MNAT1: variants seen among roughly 807,000 people sequenced by gnomAD.
MNAT1 encodes CDK-activating kinase assembly factor MAT1.
MNAT1 carries 43 observed loss-of-function variants against 42.0 expected under a neutral mutation model. The ratio of observed to expected loss-of-function variants is 1.02; its 90% CI spans 0.80 to 1.32. MNAT1 has a LOEUF of 1.32. Among genes scored for constraint, MNAT1 ranks in the 40% most tolerant of loss-of-function variants. The pLI is 0.00. For synonymous variants in MNAT1, 118 were observed against 120.0 expected, an observed-to-expected ratio of 0.98 and a Z score of 0.11; for missense variants, 306 against 350.4, an observed-to-expected ratio of 0.87 and a Z score of 1.01.
intron 6 of MNAT1, among the ~76,000 whole-genome samples, chr14:60,869,462 T>C (rs2034281821): frequency 6.6e-6 from 1 of 152,114 alleles, no homozygotes; most frequent in South Asian, 2.1e-4. Flanking sequence ...TACACTCTAA[T>C]GGGAGACAGA....
intron 1 of MNAT1, among the ~76,000 whole-genome samples, chr14:60,794,645 A>AT: frequency 7.8e-5 from 6 of 76,730 alleles, no homozygotes; most frequent in African/African-American, 2.5e-4. Flanking sequence ...TCAAAAAAAA[A>AT]AAAAAAAAAA....
chr14:60,783,654 G>A (rs1023254718), intron 1 of MNAT1, among the ~76,000 whole-genome samples: 3 of 151,570 alleles, frequency 2.0e-5, no homozygotes, highest in South Asian at 2.1e-4. Flanking sequence ...CTGCCACCAC[G>A]CCCAGCTAAT....
chr14:60,851,367 A>C (rs1361253941), intron 6 of MNAT1, among the ~76,000 whole-genome samples: 1 of 152,012 alleles, frequency 6.6e-6, no homozygotes, highest in African/African-American at 2.4e-5. Context: ...GCTTTTCTTT[A>C]TTGTGCTCTG....
intron 7 of MNAT1, among the ~76,000 whole-genome samples, chr14:60,944,230 G>A (rs370639931): frequency 7.9e-5 from 12 of 152,310 alleles, no homozygotes; most frequent in African/African-American, 2.6e-4. Flanking sequence ...CAAAGGGTCA[G>A]CCAGGTGCCC....
chr14:60,748,895 A>C (rs1475162374), intron 1 of MNAT1, among the ~76,000 whole-genome samples: 2 of 152,168 alleles, frequency 1.3e-5, no homozygotes, highest in Non-Finnish European at 2.9e-5. Context: ...ACTATTATGC[A>C]CTGTGCATAA....
chr14:60,939,251 A>C (rs146442358), intron 7 of MNAT1, among the ~76,000 whole-genome samples: 3 of 152,168 alleles, frequency 2.0e-5, no homozygotes, highest in African/African-American at 7.2e-5. Context: ...GCTCTGACTT[A>C]GTTATTTCTT....
chr14:60,967,367 G>A (rs1456991200), intron 7 of MNAT1, among the ~76,000 whole-genome samples: 1 of 152,176 alleles, frequency 6.6e-6, no homozygotes, highest in Non-Finnish European at 1.5e-5. Context: ...TAATTCTAAG[G>A]TGGGTGAAGC....
intron 7 of MNAT1, among the ~76,000 whole-genome samples, chr14:60,883,886 G>T (rs755394322): frequency 4.6e-5 from 7 of 152,086 alleles, no homozygotes; most frequent in Admixed American, 3.9e-4. Context: ...TTGGCATATA[G>T]AAATGCTGCT....
chr14:60,884,844 T>C (rs948795575), intron 7 of MNAT1, among the ~76,000 whole-genome samples: 5 of 152,048 alleles, frequency 3.3e-5, no homozygotes, highest in Admixed American at 6.6e-5. Context: ...TTCTTTCTAA[T>C]TGAAGAACCC....
At chr14:60,774,318 C>T (rs2031170147) in intron 1 of MNAT1, among the ~76,000 whole-genome samples, 1 of 151,916 alleles carries the variant, frequency 6.6e-6, no homozygotes, top group South Asian at 2.1e-4. Context: ...AATGCAGTTG[C>T]CCTAAGGCTT....
chr14:60,929,965 T>A (rs2035852831), intron 7 of MNAT1, among the ~76,000 whole-genome samples: 1 of 152,092 alleles, frequency 6.6e-6, no homozygotes, highest in South Asian at 2.1e-4. Context: ...CCAAAAGGTC[T>A]TAATTTTATT....
intron 1 of MNAT1, among the ~76,000 whole-genome samples, chr14:60,758,079 A>G (rs1481284446): frequency 5.9e-5 from 9 of 152,182 alleles, no homozygotes; most frequent in South Asian, 2.1e-4. Context: ...AGGTCATACT[A>G]TATGTACTAG....
chr14:60,847,974 A>G lies in MNAT1; in HGVS notation c.687+29127A>G, dbSNP rs548564435. Among the ~76,000 whole-genome samples the G allele has an allele frequency of 1.2e-3, 180 of 152,228 alleles. 1 individual carries two copies. The highest frequency in any genetic ancestry group is 4.1e-3 in the African/African-American group (172 of 41,544). On this transcript the variant is annotated intron_variant, in intron 6 of 7. Transcript: ENST00000261245. ...TAAATTTGTTAAGAGGAATAAAGAG[A>G]GAAAAGTTTTTATTCAGTCTTTTAG...
chr14:60,889,459 A>G (rs1226332427), intron 7 of MNAT1, among the ~76,000 whole-genome samples: 1 of 152,170 alleles, frequency 6.6e-6, no homozygotes, highest in African/African-American at 2.4e-5. Context: ...TTCAAGATGG[A>G]TTAAAGACTT....
intron 4 of MNAT1, 118 bp downstream of exon 4, chr14:60,808,546 T>A: frequency 1.6e-6 from 1 of 644,578 alleles, no homozygotes; most frequent in Admixed American, 3.4e-5. Context: ...AGCTGAAATT[T>A]AGACCAGAAA....
At chr14:60,863,834 T>C (rs890451285) in intron 6 of MNAT1, among the ~76,000 whole-genome samples, 1 of 152,084 alleles carries the variant, frequency 6.6e-6, no homozygotes, top group Non-Finnish European at 1.5e-5. Flanking sequence ...TTTGTTAAAG[T>C]ACAATAAACT....
At chr14:60,896,947 A>G (rs1166689147) in intron 7 of MNAT1, among the ~76,000 whole-genome samples, 1 of 152,252 alleles carries the variant, frequency 6.6e-6, no homozygotes, top group Non-Finnish European at 1.5e-5. Context: ...GCAGATAAAG[A>G]TAATGTACCT....
At chr14:60,830,649 A>T (rs967445089) in intron 6 of MNAT1, among the ~76,000 whole-genome samples, 1 of 152,168 alleles carries the variant, frequency 6.6e-6, no homozygotes, top group African/African-American at 2.4e-5. Context: ...TTATCAATGC[A>T]CCATCAGTAT....
chr14:60,751,422 A>T (rs969612981), intron 1 of MNAT1, among the ~76,000 whole-genome samples: 1 of 152,052 alleles, frequency 6.6e-6, no homozygotes, highest in African/African-American at 2.4e-5. Flanking sequence ...ATCTTTGAAT[A>T]TTCAATAATG....
Sources: allele counts gnomAD v4.1 joint callset (sites outside exome capture counted in the v4.1 genomes callset), GRCh38; gene constraint gnomAD v4.1.1; transcripts MANE v1.5; gene names NCBI Gene and HGNC (gene_info 2026-07-23, HGNC 2026-07-21).